The following RNF2 variants were observed in gnomAD, a reference collection of about 807,000 sequenced individuals.
The protein encoded by RNF2 is ring finger protein 2.
In RNF2, 6 loss-of-function variants were observed where a neutral mutation model predicts 37.2. The ratio of observed to expected loss-of-function variants is 0.16; its 90% CI spans 0.09 to 0.32. RNF2 has a LOEUF of 0.32. Ranked by LOEUF, RNF2 falls within the 10% of genes least tolerant of loss-of-function variation. The pLI is 1.00. For missense variants in RNF2, 251 were observed against 404.0 expected (o/e 0.62, Z 3.25); for synonymous variants, 133 against 132.7 (o/e 1.00, Z -0.02).
intron 1 of RNF2, among the ~76,000 whole-genome samples, chr1:185,057,215 G>A (rs1289788742): frequency 6.6e-6 from 1 of 152,146 alleles, no homozygotes; most frequent in African/African-American, 2.4e-5. Context: ...GCAGGCTGAT[G>A]TGGGAGGATT....
At chr1:185,067,438 A>T (rs932711081) in intron 1 of RNF2, among the ~76,000 whole-genome samples, 8 of 152,196 alleles carry the variant, frequency 5.3e-5, no homozygotes, top group Non-Finnish European at 1.5e-5. Flanking sequence ...TGCTTTAATT[A>T]AGGAAGAAAT....
At chr1:185,085,409 T>G (rs1246461854) in intron 1 of RNF2, among the ~76,000 whole-genome samples, 7 of 152,066 alleles carry the variant, frequency 4.6e-5, no homozygotes, top group Non-Finnish European at 1.5e-5. Context: ...GTGCTGAGAT[T>G]ACAAGCGTGA....
At chr1:185,054,264 G>T (rs1206659502) in intron 1 of RNF2, among the ~76,000 whole-genome samples, 2 of 152,196 alleles carry the variant, frequency 1.3e-5, no homozygotes, top group Non-Finnish European at 2.9e-5. Context: ...TTGCTAATCT[G>T]ATGGCGGAAA....
intron 1 of RNF2, chr1:185,071,484 T>C (rs1168022680): frequency 6.6e-6 from 1 of 152,234 alleles, no homozygotes; most frequent in African/African-American, 2.4e-5. Flanking sequence ...AAAGTAGTAT[T>C]GCCTTACTTA....
At chr1:185,096,467 A>C (rs1364311334) in intron 4 of RNF2, among the ~76,000 whole-genome samples, 4 of 151,928 alleles carry the variant, frequency 2.6e-5, no homozygotes, top group African/African-American at 9.7e-5. Context: ...CCCTCCCCCC[A>C]GTTCCCGGTA....
chr1:185,065,977 G>T (rs1188029080), intron 1 of RNF2, among the ~76,000 whole-genome samples: 2 of 148,584 alleles, frequency 1.3e-5, no homozygotes, highest in Non-Finnish European at 3.0e-5. Flanking sequence ...TTTAGTATCA[G>T]CATCTACACA....
At chr1:185,061,493 A>G (rs1379961538) in intron 1 of RNF2, among the ~76,000 whole-genome samples, 3 of 152,166 alleles carry the variant, frequency 2.0e-5, no homozygotes, top group Non-Finnish European at 4.4e-5. Flanking sequence ...CAAGGCCAAC[A>G]GTATAGAGGA....
intron 1 of RNF2, among the ~76,000 whole-genome samples, chr1:185,046,918 T>G (rs1650138260): frequency 6.6e-6 from 1 of 152,166 alleles, no homozygotes; most frequent in African/African-American, 2.4e-5. Flanking sequence ...GTGTGAGAGT[T>G]TGCTTCTTAT....
At chr1:185,074,466 C>A (rs571526668) in intron 1 of RNF2, among the ~76,000 whole-genome samples, 1 of 152,100 alleles carries the variant, frequency 6.6e-6, no homozygotes, top group South Asian at 2.1e-4. Flanking sequence ...CCTAGAGTAA[C>A]CATATTAGCA....
rs76272189 is a variant in RNF2 at position 185,065,876 on chromosome 1, C to T, written c.-3+20227C>T. ...TTTTATTTCTGTTTCCTTTTTTTCCCCCCTACTTGCTCTAGCTAGAACTTC... is the reference window on the plus strand; with the variant it reads ...TTTTATTTCTGTTTCCTTTTTTTCCTCCCTACTTGCTCTAGCTAGAACTTC... On this transcript the variant is annotated intron_variant, in intron 1 of 6. Transcript: ENST00000367510. Among the ~76,000 whole-genome samples, 1,209 of 152,074 alleles carry T rather than the reference C, an allele frequency of 8.0e-3. 18 individuals carry two copies. The highest frequency in any genetic ancestry group is 0.027 in the African/African-American group (1,104 of 41,512).
At chr1:185,084,088 C>G (rs1651509550) in intron 1 of RNF2, among the ~76,000 whole-genome samples, 1 of 152,048 alleles carries the variant, frequency 6.6e-6, no homozygotes, top group Admixed American at 6.5e-5. Context: ...ACTACAGGCA[C>G]ACACCATCAC....
intron 1 of RNF2, among the ~76,000 whole-genome samples, chr1:185,057,077 G>A (rs1444885567): frequency 6.6e-6 from 1 of 152,146 alleles, no homozygotes; most frequent in African/African-American, 2.4e-5. Flanking sequence ...GGAGGCAGAA[G>A]CAGGAGGATC....
chr1:185,054,177 C>T (rs1650359152), intron 1 of RNF2, among the ~76,000 whole-genome samples: 1 of 152,238 alleles, frequency 6.6e-6, no homozygotes, highest in African/African-American at 2.4e-5. Flanking sequence ...TAATTATCCA[C>T]TCCTGGTAGA....
chr1:185,074,795 A>G (rs1651096167), intron 1 of RNF2, among the ~76,000 whole-genome samples: 1 of 152,152 alleles, frequency 6.6e-6, no homozygotes, highest in African/African-American at 2.4e-5. Flanking sequence ...TGTATTGAGT[A>G]TTGTAAGTAA....
At chr1:185,049,105 A>C (rs927402428) in intron 1 of RNF2, among the ~76,000 whole-genome samples, 2 of 152,110 alleles carry the variant, frequency 1.3e-5, no homozygotes, top group African/African-American at 4.8e-5. Flanking sequence ...GCGCGCCTGT[A>C]ATCCCAGCTA....
intron 2 of RNF2, 57 bp downstream of exon 2, chr1:185,087,697 T>A: frequency 7.8e-7 from 1 of 1,278,802 alleles, no homozygotes; most frequent in Non-Finnish European, 1.1e-6. Context: ...GGGATACATT[T>A]TTAGAACATG....
At chr1:185,054,389 C>CGTGTCAAGGCTGGACACTGTGCTCT (rs1357726321) in intron 1 of RNF2, among the ~76,000 whole-genome samples, 2 of 152,160 alleles carry the variant, frequency 1.3e-5, no homozygotes. Context: ...CCGGAGAGGA[C>CGTGTCAAGGCTGGACACTGTGCTCT]GTGTCAAGGC....
intron 1 of RNF2, among the ~76,000 whole-genome samples, chr1:185,076,984 A>T (rs574898250): frequency 1.8e-4 from 28 of 152,056 alleles, no homozygotes; most frequent in Non-Finnish European, 3.2e-4. Context: ...GATCCTCTTT[A>T]ATATACTTCA....
At chr1:185,059,464 C>G (rs567759687) in intron 1 of RNF2, among the ~76,000 whole-genome samples, 6 of 152,270 alleles carry the variant, frequency 3.9e-5, no homozygotes, top group African/African-American at 1.4e-4. Context: ...ATAACTTTTA[C>G]GTAGCTGTCC....
Sources: gnomAD v4.1 joint callset for allele counts (sites outside exome capture counted in the v4.1 genomes callset) on GRCh38, gnomAD v4.1.1 for gene constraint, MANE v1.5 for transcripts, NCBI Gene and HGNC (gene_info 2026-07-23, HGNC 2026-07-21) for gene names.